Variants in GHR observed in about 807,000 individuals in gnomAD.
GHR encodes growth hormone receptor.
GHR carries 35 observed loss-of-function variants against 67.1 expected under a neutral mutation model. That is an observed-to-expected ratio of 0.52 (90% CI 0.40 to 0.69). The LOEUF is 0.69. Ranked by LOEUF, GHR falls within the 30% of genes least tolerant of loss-of-function variation. The probability of loss-of-function intolerance (pLI) is 0.00; values close to 1 mark genes in which losing one functional copy is unlikely to be tolerated. For synonymous variants in GHR, 272 were observed against 269.1 expected, an observed-to-expected ratio of 1.01 and a Z score of -0.10; for missense variants, 792 against 764.6, an observed-to-expected ratio of 1.04 and a Z score of -0.42.
chr5:42,526,424 C>A (rs1237145954), intron 1 of GHR, among the ~76,000 whole-genome samples: 1 of 152,154 alleles, frequency 6.6e-6, no homozygotes, highest in Non-Finnish European at 1.5e-5. Flanking sequence ...CAAGATGAAC[C>A]AGCAGGTGCT....
At chr5:42,658,723 C>T (rs1289307502) in intron 3 of GHR, among the ~76,000 whole-genome samples, 1 of 152,034 alleles carries the variant, frequency 6.6e-6, no homozygotes, top group African/African-American at 2.4e-5. Flanking sequence ...GTGCTACTGG[C>T]ATCTAGTAGG....
chr5:42,638,319 A>G (rs1162154129), intron 3 of GHR, among the ~76,000 whole-genome samples: 2 of 152,204 alleles, frequency 1.3e-5, no homozygotes, highest in South Asian at 2.1e-4. Flanking sequence ...ATTAATGACA[A>G]TACAGTGTTC....
At chr5:42,557,010 T>A (rs1749346503) in intron 1 of GHR, among the ~76,000 whole-genome samples, 2 of 152,220 alleles carry the variant, frequency 1.3e-5, no homozygotes, top group Non-Finnish European at 2.9e-5. Context: ...AAGCGTCTTG[T>A]CACTGGGATT....
chr5:42,506,903 A>G (rs1746802006), intron 1 of GHR, among the ~76,000 whole-genome samples: 1 of 152,212 alleles, frequency 6.6e-6, no homozygotes, highest in Admixed American at 6.5e-5. Flanking sequence ...ATTCATTGAA[A>G]ATTAACAGCA....
At chr5:42,537,971 T>A (rs1331817973) in intron 1 of GHR, among the ~76,000 whole-genome samples, 3 of 152,170 alleles carry the variant, frequency 2.0e-5, no homozygotes, top group Admixed American at 6.5e-5. Flanking sequence ...ATACAAGAAT[T>A]GCTACCCCTG....
chr5:42,546,275 C>G lies in GHR; in HGVS notation c.-11-19589C>G, dbSNP rs1006641982. Among the ~76,000 whole-genome samples the G allele has an allele frequency of 2.4e-4, 36 of 152,202 alleles. 1 individual carries two copies. The highest frequency in any genetic ancestry group is 1.5e-5 in the Non-Finnish European group (1 of 68,034). On this transcript the variant is annotated intron_variant, in intron 1 of 9. Transcript: ENST00000230882. ...TCTAGGCTGGCTGGTCACCAAACCA[C>G]TGACTAGTTGGCCCTTTGTCTTTTT...
intron 1 of GHR, among the ~76,000 whole-genome samples, chr5:42,503,563 C>G (rs1327115032): frequency 6.6e-6 from 1 of 152,128 alleles, no homozygotes; most frequent in Non-Finnish European, 1.5e-5. Flanking sequence ...TATCAAGAGC[C>G]TGCTATGAGT....
chr5:42,573,128 A>G (rs1317886598), intron 2 of GHR, among the ~76,000 whole-genome samples: 1 of 152,198 alleles, frequency 6.6e-6, no homozygotes, highest in Non-Finnish European at 1.5e-5. Flanking sequence ...CATTCTGATG[A>G]GGATCTTCGT....
At position 42,506,248 on chromosome 5, in the gene GHR, A is replaced by G. The variant is rs181492737; in HGVS notation, c.-11-59616A>G. On this transcript the variant is annotated intron_variant, in intron 1 of 9. Transcript: ENST00000230882. Reference sequence around the variant, plus strand: ...ATTATGTAGTTAATAAATATATTTAATGTGGAATTTTTTTCCCAAAAGCCC... The same window carrying G: ...ATTATGTAGTTAATAAATATATTTAGTGTGGAATTTTTTTCCCAAAAGCCC... 9.9e-4 allele frequency among the ~76,000 whole-genome samples: 151 copies of G among 152,294 alleles called. 2 individuals are homozygous for G. The highest frequency in any genetic ancestry group is 3.5e-3 in the African/African-American group (144 of 41,562).
chr5:42,572,958 G>A (rs1750416615), intron 2 of GHR, among the ~76,000 whole-genome samples: 4 of 152,050 alleles, frequency 2.6e-5, no homozygotes, highest in Admixed American at 2.6e-4. Flanking sequence ...TCAAGAGTGT[G>A]GCAAGTTTGG....
intron 3 of GHR, among the ~76,000 whole-genome samples, chr5:42,647,479 C>G (rs1357908682): frequency 6.7e-6 from 1 of 150,264 alleles, no homozygotes; most frequent in Non-Finnish European, 1.5e-5. Flanking sequence ...GAGGCTGAGG[C>G]AGGAAAATGG....
In GHR at chr5:42,718,476, C is replaced by G; in HGVS notation, c.969C>G (p.Asn323Lys). 6.2e-7 allele frequency: 1 copy of G among 1,610,730 alleles called. No individual in the cohort carries two copies. The highest frequency in any genetic ancestry group is 8.5e-7 in the Non-Finnish European group (1 of 1,177,026). ...LLKEGKLEEV[N>K]TILAIHDSYK... ...AGGAAGGAAAATTAGAGGAGGTGAACACAATCTTAGCCATTCATGATAGCT... is the reference window on the plus strand; with the variant it reads ...AGGAAGGAAAATTAGAGGAGGTGAAGACAATCTTAGCCATTCATGATAGCT... Residue 323 changes from asparagine (N) to lysine (K), a missense_variant, in exon 10 of 10, where the codon AAC (asparagine) becomes AAG (lysine). By Grantham distance (94) the Asn-to-Lys change is moderately conservative. Transcript: ENST00000230882.
At chr5:42,595,612 A>G (rs1029450456) in intron 2 of GHR, among the ~76,000 whole-genome samples, 3 of 152,192 alleles carry the variant, frequency 2.0e-5, no homozygotes, top group African/African-American at 2.4e-5. Context: ...TTAATTGCCA[A>G]TGGGGATGAA....
At chr5:42,706,830 G>T (rs1365592713) in intron 6 of GHR, among the ~76,000 whole-genome samples, 1 of 151,816 alleles carries the variant, frequency 6.6e-6, no homozygotes, top group Non-Finnish European at 1.5e-5. Context: ...GATGCCCCTG[G>T]GTTTATTCTT....
chr5:42,622,310 C>G (rs929376087), intron 2 of GHR, among the ~76,000 whole-genome samples: 7 of 152,314 alleles, frequency 4.6e-5, no homozygotes, highest in Admixed American at 3.3e-4. Flanking sequence ...TGTACTTTAT[C>G]AAGTGCCTCC....
chr5:42,712,331 G>A (rs1032696228), intron 7 of GHR, among the ~76,000 whole-genome samples: 27 of 151,996 alleles, frequency 1.8e-4, no homozygotes, highest in Middle Eastern at 3.4e-3. Context: ...GGCCTTAAAA[G>A]TACAATAGCT....
intron 3 of GHR, among the ~76,000 whole-genome samples, chr5:42,662,069 T>C (rs1243542378): frequency 6.6e-6 from 1 of 152,182 alleles, no homozygotes; most frequent in Non-Finnish European, 1.5e-5. Flanking sequence ...CCTAAATATA[T>C]ATGCACCCAA....
In GHR at chr5:42,547,988, A is replaced by G. The variant is rs112712774; in HGVS notation, c.-11-17876A>G. On this transcript the variant is annotated intron_variant, in intron 1 of 9. Coordinates refer to ENST00000230882, the MANE Select transcript of GHR (RefSeq NM_000163.5). The stretch of plus-strand genomic sequence containing the variant: ...GGAAAGGACCAGATTCAGATACCCT[A>G]TCACTGCTTTCTACCCATCCAGATC... 745 of 564,234 alleles carry G rather than the reference A, an allele frequency of 1.3e-3. 6 individuals carry two copies. The African/African-American group carries it at 0.015, about 11-fold the overall frequency. 35.0% of individuals were successfully genotyped at this position (564,234 alleles called of 1,614,324 possible).
At chr5:42,680,437 T>G (rs553578411) in intron 3 of GHR, among the ~76,000 whole-genome samples, 143 of 152,178 alleles carry the variant, frequency 9.4e-4, no homozygotes, top group African/African-American at 3.2e-3. Context: ...TCCAATGTGC[T>G]TTTCTTTTTT....
Sources: allele counts gnomAD v4.1 joint callset (sites outside exome capture counted in the v4.1 genomes callset), GRCh38; gene constraint gnomAD v4.1.1; transcripts MANE v1.5; gene names NCBI Gene and HGNC (gene_info 2026-07-23, HGNC 2026-07-21).